PRKACB: variants seen among roughly 807,000 people sequenced by gnomAD.
PRKACB encodes the protein cAMP-dependent protein kinase catalytic subunit beta.
Under a neutral mutation model 51.4 loss-of-function variants are expected in PRKACB, and 16 were observed. The ratio of observed to expected loss-of-function variants is 0.31; its 90% CI spans 0.21 to 0.47. The LOEUF (loss-of-function observed/expected upper bound fraction) is 0.47, where lower values mean the gene tolerates loss of function less well. Among genes scored for constraint, PRKACB ranks in the 20% least tolerant of loss-of-function variants. PRKACB has a pLI of 1.00. For missense variants in PRKACB, 309 were observed against 464.5 expected, an observed-to-expected ratio of 0.67 and a Z score of 3.08; for synonymous variants, 147 against 154.4, an observed-to-expected ratio of 0.95 and a Z score of 0.35.
In PRKACB at chr1:84,213,455, G is replaced by A. The variant is rs41301176; in HGVS notation, c.907-698G>A. Among the ~76,000 whole-genome samples, 1,049 of 152,182 alleles carry A rather than the reference G, an allele frequency of 6.9e-3. 6 individuals carry two copies. Among genetic ancestry groups the A allele is most frequent in the Non-Finnish European group, 0.011 (739 of 67,996 alleles). On this transcript the variant is annotated intron_variant, in intron 8 of 9. Transcript: ENST00000370685. ...CTATAAATGTTACTTTAACCTTATC[G>A]ATTGCCAAAAATCTTCACTTATTTG...
intron 7 of PRKACB, among the ~76,000 whole-genome samples, chr1:84,198,339 A>G (rs1283744673): frequency 6.6e-6 from 1 of 152,114 alleles, no homozygotes; most frequent in Non-Finnish European, 1.5e-5. Context: ...GTGGTGAGAG[A>G]AACTGTACCT....
intron 1 of PRKACB, among the ~76,000 whole-genome samples, chr1:84,138,804 T>G (rs1021293610): frequency 5.3e-5 from 8 of 152,140 alleles, no homozygotes; most frequent in Non-Finnish European, 7.4e-5. Context: ...GTAAGTTGAA[T>G]CCAGCAATAT....
chr1:84,136,400 T>G (rs1652812035), intron 1 of PRKACB, among the ~76,000 whole-genome samples: 1 of 151,878 alleles, frequency 6.6e-6, no homozygotes, highest in African/African-American at 2.4e-5. Flanking sequence ...AGATGTCAAA[T>G]AAGTATATGA....
intron 1 of PRKACB, among the ~76,000 whole-genome samples, chr1:84,162,926 G>T (rs1032378534): frequency 6.6e-6 from 1 of 151,880 alleles, no homozygotes; most frequent in Non-Finnish European, 1.5e-5. Context: ...TTCCCTGAGG[G>T]TTGGTTTTGT....
At chr1:84,232,012 TA>T (rs1362701862) in intron 9 of PRKACB, among the ~76,000 whole-genome samples, 1 of 151,356 alleles carries the variant, frequency 6.6e-6, no homozygotes, top group African/African-American at 2.4e-5. Context: ...ATTGTGATGT[TA>T]GGGTGTCAAT....
chr1:84,174,214 T>C, intron 1 of PRKACB, among the ~76,000 whole-genome samples: 1 of 151,862 alleles, frequency 6.6e-6, no homozygotes, highest in Non-Finnish European at 1.5e-5. Context: ...ACAAGTCAGT[T>C]GCTGTTTCCT....
intron 1 of PRKACB, among the ~76,000 whole-genome samples, chr1:84,100,104 G>A (rs1472289527): frequency 6.6e-6 from 1 of 152,218 alleles, no homozygotes; most frequent in Non-Finnish European, 1.5e-5. Context: ...GAGGCCTCAG[G>A]AAACTTACAT....
chr1:84,229,538 A>G (rs1675236684), intron 9 of PRKACB, among the ~76,000 whole-genome samples: 3 of 147,006 alleles, frequency 2.0e-5, no homozygotes, highest in African/African-American at 7.6e-5. Context: ...ACTAGTTTAC[A>G]GTCCCACCAA....
At chr1:84,205,278 C>A in intron 8 of PRKACB, 1 of 980,862 alleles carries the variant, frequency 1.0e-6, no homozygotes, top group African/African-American at 1.7e-5. Flanking sequence ...CCCAATAAAT[C>A]ATCTGTTTCA....
intron 9 of PRKACB, among the ~76,000 whole-genome samples, chr1:84,220,406 G>A (rs1673524737): frequency 6.6e-6 from 1 of 151,982 alleles, no homozygotes; most frequent in South Asian, 2.1e-4. Flanking sequence ...ATTGTATTTA[G>A]ATGCCTTGCA....
chr1:84,088,375 T>C (rs556426127), intron 1 of PRKACB, among the ~76,000 whole-genome samples: 1 of 152,174 alleles, frequency 6.6e-6, no homozygotes, highest in Non-Finnish European at 1.5e-5. Flanking sequence ...CCTTAGAAAA[T>C]TAAAGAGACT....
intron 1 of PRKACB, among the ~76,000 whole-genome samples, chr1:84,097,868 T>C (rs528844737): frequency 6.6e-6 from 1 of 152,268 alleles, no homozygotes; most frequent in African/African-American, 2.4e-5. Context: ...ATACATTGGA[T>C]AATGCTCATC....
chr1:84,180,204 A>ATATATATATATATATATATATATATG (rs1347501164), intron 2 of PRKACB, among the ~76,000 whole-genome samples: 1 of 124,026 alleles, frequency 8.1e-6, no homozygotes. Context: ...ATATATATAT[A>ATATATATATATATATATATATATATG]TATATGTATG....
At chr1:84,189,547 AAG>A (rs1666151300) in intron 5 of PRKACB, among the ~76,000 whole-genome samples, 1 of 151,908 alleles carries the variant, frequency 6.6e-6, no homozygotes, top group Non-Finnish European at 1.5e-5. Context: ...CCTTTCAAGA[AAG>A]AGAAGGGGAT....
At chr1:84,184,758 A>G (rs1664595006) in intron 4 of PRKACB, among the ~76,000 whole-genome samples, 1 of 151,898 alleles carries the variant, frequency 6.6e-6, no homozygotes, top group Admixed American at 6.6e-5. Context: ...AAATGTAAAT[A>G]TTCTTATTAA....
intron 9 of PRKACB, among the ~76,000 whole-genome samples, chr1:84,224,974 C>A (rs1674331802): frequency 6.6e-6 from 1 of 152,128 alleles, no homozygotes; most frequent in Admixed American, 6.5e-5. Context: ...TGGCTGATAG[C>A]CTGAGTCTTT....
At chr1:84,126,163 C>T (rs977133257) in intron 1 of PRKACB, among the ~76,000 whole-genome samples, 6 of 152,242 alleles carry the variant, frequency 3.9e-5, no homozygotes, top group African/African-American at 1.4e-4. Context: ...GCTTTGCCAT[C>T]CACAGACAAC....
chr1:84,203,578 G>C (rs1044175662), intron 8 of PRKACB, among the ~76,000 whole-genome samples: 2 of 151,926 alleles, frequency 1.3e-5, no homozygotes, highest in Non-Finnish European at 2.9e-5. Flanking sequence ...AGCAATGAAA[G>C]AATAGGCTTT....
rs574177116 is a variant in PRKACB, at chr1:84,092,885, G to GT, written c.46+14527dup. Among the ~76,000 whole-genome samples the GT allele has an allele frequency of 3.9e-3, 523 of 133,578 alleles. 1 individual carries two copies. Among genetic ancestry groups the GT allele is most frequent in the East Asian group, 0.013 (61 of 4,602 alleles). The allele number at this position is 133,578 out of a possible 152,430, so 87.6% of individuals were successfully genotyped here. A position where few individuals can be genotyped will look rare whatever the true frequency, so the allele number is the denominator to read the frequency against. On this transcript the variant is annotated intron_variant, in intron 1 of 8. Transcript: ENST00000370688. ...TTTGGATATCCTCTTTTTATAAAAT[G>GT]TTTTTTTTTTTTTCAGGTATTTCCC...
Sources: gnomAD v4.1 joint callset for allele counts (sites outside exome capture counted in the v4.1 genomes callset) on GRCh38, gnomAD v4.1.1 for gene constraint, MANE v1.5 for transcripts, NCBI Gene and HGNC (gene_info 2026-07-23, HGNC 2026-07-21) for gene names.